The following CSMD1 variants were observed in gnomAD, a reference collection of about 807,000 sequenced individuals.
CSMD1 encodes CUB and sushi domain-containing protein 1.
Under a neutral mutation model 417.5 loss-of-function variants are expected in CSMD1, and 213 were observed. That is an observed-to-expected ratio of 0.51 (90% CI 0.46 to 0.57). The LOEUF is 0.57. Ranked by LOEUF, CSMD1 falls within the 20% of genes least tolerant of loss-of-function variation. The pLI is 0.00. For synonymous variants in CSMD1, 2,862 were observed against 1,736.8 expected (o/e 1.65, Z -16.11); for missense variants, 6,923 against 4,529.7 (o/e 1.53, Z -15.17).
chr8:4,480,025 T>C (rs1206609820), intron 2 of CSMD1, among the ~76,000 whole-genome samples: 1 of 151,478 alleles, frequency 6.6e-6, no homozygotes, highest in Non-Finnish European at 1.5e-5. Context: ...GCAAACATAC[T>C]TATCCTATCA....
chr8:4,586,515 G>T (rs147407426), intron 2 of CSMD1, among the ~76,000 whole-genome samples: 1 of 152,262 alleles, frequency 6.6e-6, no homozygotes, highest in East Asian at 1.9e-4. Context: ...ATGAGCCACA[G>T]CTTGGCAATT....
At chr8:4,956,215 G>T in intron 1 of CSMD1, among the ~76,000 whole-genome samples, 1 of 150,284 alleles carries the variant, frequency 6.7e-6, no homozygotes. Context: ...TTTTTAAGTT[G>T]TTCAACACCT....
intron 5 of CSMD1, among the ~76,000 whole-genome samples, chr8:3,889,210 C>T (rs527994412): frequency 6.6e-6 from 1 of 150,642 alleles, no homozygotes; most frequent in African/African-American, 2.4e-5. Flanking sequence ...TTAGCAGCAG[C>T]AATAATAATT....
chr8:3,055,359 C>T (rs1301530502), intron 49 of CSMD1, among the ~76,000 whole-genome samples: 1 of 152,058 alleles, frequency 6.6e-6, no homozygotes, highest in Non-Finnish European at 1.5e-5. Flanking sequence ...AGTGTTTAGC[C>T]CCTTAAGCGT....
At chr8:4,599,763 C>G (rs554267804) in intron 2 of CSMD1, among the ~76,000 whole-genome samples, 13 of 152,292 alleles carry the variant, frequency 8.5e-5, no homozygotes, top group African/African-American at 3.1e-4. Context: ...AACAATAATT[C>G]TCACAGTTCA....
chr8:4,603,832 T>C (rs930824038), intron 2 of CSMD1, among the ~76,000 whole-genome samples: 10 of 152,176 alleles, frequency 6.6e-5, no homozygotes, highest in East Asian at 5.8e-4. Context: ...ATTTTAAATA[T>C]TGAAGAATGA....
chr8:3,017,933 G>A (rs1005525692), intron 52 of CSMD1, among the ~76,000 whole-genome samples: 15 of 147,934 alleles, frequency 1.0e-4, no homozygotes, highest in South Asian at 2.2e-4. Flanking sequence ...ACTAATACTT[G>A]TTCTTTAAAC....
intron 16 of CSMD1, 74 bp from the exon 17 acceptor site, chr8:3,396,455 T>C (rs1402222286): frequency 9.3e-7 from 1 of 1,074,904 alleles, no homozygotes; most frequent in Non-Finnish European, 1.3e-6. Context: ...GACATCCTCA[T>C]TCCTTAATCA....
chr8:4,542,974 A>G (rs1337963623), intron 2 of CSMD1, among the ~76,000 whole-genome samples: 1 of 152,128 alleles, frequency 6.6e-6, no homozygotes, highest in Non-Finnish European at 1.5e-5. Flanking sequence ...GCAATTTATA[A>G]CCAGTGTTTT....
At chr8:4,459,760 G>C (rs1257305349) in intron 2 of CSMD1, among the ~76,000 whole-genome samples, 2 of 152,176 alleles carry the variant, frequency 1.3e-5, no homozygotes, top group African/African-American at 4.8e-5. Context: ...TCAGCCTCTA[G>C]CCTCCAGAAC....
chr8:4,331,884 G>C (rs1799887553), intron 3 of CSMD1, among the ~76,000 whole-genome samples: 2 of 152,044 alleles, frequency 1.3e-5, no homozygotes, highest in African/African-American at 4.8e-5. Flanking sequence ...TACATAGCTA[G>C]AGAGTTTAAC....
intron 2 of CSMD1, among the ~76,000 whole-genome samples, chr8:4,619,116 T>C (rs968821456): frequency 3.9e-5 from 6 of 152,196 alleles, no homozygotes; most frequent in Non-Finnish European, 7.3e-5. Flanking sequence ...TGAATTTCTC[T>C]AGTCTTTTGC....
At chr8:4,771,302 T>A (rs1026887382) in intron 1 of CSMD1, among the ~76,000 whole-genome samples, 1 of 152,176 alleles carries the variant, frequency 6.6e-6, no homozygotes, top group African/African-American at 2.4e-5. Context: ...CATATCTAAT[T>A]GTATTAAAGT....
intron 5 of CSMD1, among the ~76,000 whole-genome samples, chr8:3,865,423 C>G (rs534236680): frequency 1.3e-5 from 2 of 152,032 alleles, no homozygotes; most frequent in African/African-American, 4.8e-5. Flanking sequence ...TGCCTGCAAG[C>G]GAGACTGTGA....
At chr8:4,564,120 T>G (rs1162909191) in intron 2 of CSMD1, among the ~76,000 whole-genome samples, 1 of 152,222 alleles carries the variant, frequency 6.6e-6, no homozygotes, top group Non-Finnish European at 1.5e-5. Context: ...CTTCCAATAT[T>G]TATATTCTAT....
At chr8:3,196,454 C>A (rs1170543435) in intron 33 of CSMD1, among the ~76,000 whole-genome samples, 1 of 152,104 alleles carries the variant, frequency 6.6e-6, no homozygotes, top group East Asian at 1.9e-4. Context: ...ATGGACTCGC[C>A]CCAAATTCTT....
chr8:4,470,033 A>C (rs1276150695), intron 2 of CSMD1, among the ~76,000 whole-genome samples: 1 of 151,482 alleles, frequency 6.6e-6, no homozygotes, highest in Non-Finnish European at 1.5e-5. Flanking sequence ...ATGCCCGGCT[A>C]ATTTCTTTTT....
intron 3 of CSMD1, among the ~76,000 whole-genome samples, chr8:4,234,846 C>A (rs747377314): frequency 1.3e-5 from 2 of 152,032 alleles, no homozygotes; most frequent in African/African-American, 4.8e-5. Flanking sequence ...ACTGTGGGCG[C>A]CTTCTTGCTC....
At chr8:3,118,362 A>G in intron 42 of CSMD1, 37 bp downstream of exon 42, 1 of 1,463,862 alleles carries the variant, frequency 6.8e-7, no homozygotes, top group East Asian at 2.3e-5. Context: ...ATGCCCATGA[A>G]ACATTAAATC....
Sources: allele counts gnomAD v4.1 joint callset (sites outside exome capture counted in the v4.1 genomes callset), GRCh38; gene constraint gnomAD v4.1.1; transcripts MANE v1.5; gene names NCBI Gene and HGNC (gene_info 2026-07-23, HGNC 2026-07-21).